The following KSR2 variants were observed in gnomAD, a reference collection of about 807,000 sequenced individuals.
KSR2 encodes the protein kinase suppressor of ras 2.
In KSR2, 25 loss-of-function variants were observed where a neutral mutation model predicts 107.8. The observed-to-expected ratio is 0.23, with a 90% CI of 0.17 to 0.32. KSR2 has a LOEUF of 0.32. KSR2 is among the 10% of genes least tolerant of loss of function. KSR2 has a pLI of 1.00. For missense variants in KSR2, 887 were observed against 1,268.9 expected, an observed-to-expected ratio of 0.70 and a Z score of 4.57; for synonymous variants, 480 against 507.0, an observed-to-expected ratio of 0.95 and a Z score of 0.71.
chr12:117,794,584 TCAACATGCACACTCACAC>T (rs1487458976), intron 3 of KSR2, among the ~76,000 whole-genome samples: 1 of 96,496 alleles, frequency 1.0e-5, no homozygotes, highest in African/African-American at 4.3e-5. Flanking sequence ...CACACATACA[TCAACATGCACACTCACAC>T]CAACATGCAC....
intron 1 of KSR2, among the ~76,000 whole-genome samples, chr12:117,932,775 G>A (rs1895731030): frequency 1.3e-5 from 2 of 152,060 alleles, no homozygotes; most frequent in South Asian, 2.1e-4. Context: ...CACTTTGGGA[G>A]GCTGAGGCGG....
chr12:117,541,787 C>A (rs1403183256), intron 9 of KSR2, among the ~76,000 whole-genome samples: 1 of 152,152 alleles, frequency 6.6e-6, no homozygotes. Flanking sequence ...CCAGGTTGTA[C>A]ATTTCACCTT....
intron 4 of KSR2, among the ~76,000 whole-genome samples, chr12:117,748,937 C>G (rs538163392): frequency 4.6e-5 from 7 of 151,854 alleles, no homozygotes; most frequent in Non-Finnish European, 1.5e-5. Context: ...CTGGGGACAA[C>G]TGGGGCTGTC....
chr12:117,967,676 C>T (rs1896839117), intron 1 of KSR2, among the ~76,000 whole-genome samples: 1 of 152,096 alleles, frequency 6.6e-6, no homozygotes, highest in Non-Finnish European at 1.5e-5. Flanking sequence ...GGGTTCTCTG[C>T]AGCTCCTTAA....
Position 117,457,507 on chromosome 12 carries a change from G to A in KSR2, c.*9692C>T, listed in dbSNP as rs1870679860. On this transcript the variant is annotated 3_prime_UTR_variant, in exon 20 of 20. Coordinates refer to ENST00000339824, the MANE Select transcript of KSR2 (RefSeq NM_173598.6). ...GCCTTGTGGAATATGGGACAGCTAT[G>A]GGAGCTCATGGAGAACAGAGACTCC... The A allele has an allele frequency of 6.6e-6, 1 of 152,200 alleles. No homozygotes were observed. The highest frequency in any genetic ancestry group is 1.5e-5 in the Non-Finnish European group (1 of 68,056). 9.4% of individuals were successfully genotyped at this position (152,200 alleles called of 1,614,324 possible).
At chr12:117,584,161 C>A (rs1297180642) in intron 5 of KSR2, among the ~76,000 whole-genome samples, 3 of 152,302 alleles carry the variant, frequency 2.0e-5, no homozygotes, top group African/African-American at 7.2e-5. Flanking sequence ...ATTTATCAAT[C>A]AGAATTATAG....
At chr12:117,490,108 G>A (rs1022987806) in intron 14 of KSR2, among the ~76,000 whole-genome samples, 1 of 152,178 alleles carries the variant, frequency 6.6e-6, no homozygotes, top group Non-Finnish European at 1.5e-5. Flanking sequence ...TGGACACCTA[G>A]AGGACCAGCT....
Position 117,911,174 on chromosome 12 carries a change from T to TCTCACA in KSR2, c.181-50744_181-50743insTGTGAG, listed in dbSNP as rs1555256064. On this transcript the variant is annotated intron_variant, in intron 1 of 19. Coordinates refer to ENST00000339824, the MANE Select transcript of KSR2 (RefSeq NM_173598.6). ...CACATTCTTTCTCTCTCTCTCTCTC[T>TCTCACA]CACACACACACACACACACACACAC... Among the ~76,000 whole-genome samples, 63 of 149,044 alleles carry TCTCACA rather than the reference T, an allele frequency of 4.2e-4. 1 individual carries two copies. The highest frequency in any genetic ancestry group is 1.2e-3 in the African/African-American group (49 of 40,478).
At chr12:117,946,409 A>T (rs1896179187) in intron 1 of KSR2, among the ~76,000 whole-genome samples, 1 of 152,194 alleles carries the variant, frequency 6.6e-6, no homozygotes, top group South Asian at 2.1e-4. Context: ...GTATCACCAT[A>T]GACCCCGTGA....
chr12:117,523,177 T>C (rs547916086), intron 14 of KSR2, among the ~76,000 whole-genome samples: 1 of 152,336 alleles, frequency 6.6e-6, no homozygotes, highest in East Asian at 1.9e-4. Flanking sequence ...ATGTACCTTC[T>C]ACCAATCACC....
intron 1 of KSR2, among the ~76,000 whole-genome samples, chr12:117,881,505 C>T (rs746158635): frequency 1.2e-4 from 18 of 152,182 alleles, no homozygotes; most frequent in Non-Finnish European, 2.4e-4. Flanking sequence ...TGCTATAAGC[C>T]CCGCTGTGTC....
At chr12:117,847,407 A>G (rs1282542333) in intron 3 of KSR2, among the ~76,000 whole-genome samples, 1 of 152,104 alleles carries the variant, frequency 6.6e-6, no homozygotes, top group Non-Finnish European at 1.5e-5. Context: ...CCCCCTTGAT[A>G]CTCAAGAGAA....
At position 117,812,842 on chromosome 12, in the gene KSR2, C is replaced by CAAAAAAAAAAAAAAAAAAAAAAA. The variant is rs3073170; in HGVS notation, c.472+42585_472+42586insTTTTTTTTTTTTTTTTTTTTTTT. 9.4e-5 allele frequency among the ~76,000 whole-genome samples: 9 copies of CAAAAAAAAAAAAAAAAAAAAAAA among 95,546 alleles called. 1 individual carries two copies. Among genetic ancestry groups the CAAAAAAAAAAAAAAAAAAAAAAA allele is most frequent in the African/African-American group, 3.5e-4 (6 of 17,086 alleles). The allele number at this position is 95,546 out of a possible 152,430, so 62.7% of individuals were successfully genotyped here. A position where few individuals can be genotyped will look rare whatever the true frequency, so the allele number is the denominator to read the frequency against. ...GGAACCACAAAAGACCCCAAATAGC[C>CAAAAAAAAAAAAAAAAAAAAAAA]AAAAAAAAAAAAAAAAATCATCCTG... On this transcript the variant is annotated intron_variant, in intron 3 of 19. Coordinates refer to ENST00000339824, the MANE Select transcript of KSR2 (RefSeq NM_173598.6).
chr12:117,589,566 T>C (rs568345711), intron 5 of KSR2, among the ~76,000 whole-genome samples: 13 of 152,248 alleles, frequency 8.5e-5, no homozygotes, highest in African/African-American at 2.6e-4. Context: ...AGCAAATTCA[T>C]TGGGCCTAAA....
At chr12:117,852,320 C>T (rs913723555) in intron 3 of KSR2, among the ~76,000 whole-genome samples, 11 of 151,748 alleles carry the variant, frequency 7.2e-5, no homozygotes, top group African/African-American at 2.2e-4. Flanking sequence ...CCCAGTTACT[C>T]GGGAGGCTAA....
intron 5 of KSR2, among the ~76,000 whole-genome samples, chr12:117,626,785 G>C (rs961408939): frequency 1.3e-5 from 2 of 152,108 alleles, no homozygotes; most frequent in Non-Finnish European, 2.9e-5. Flanking sequence ...TCATTGATCT[G>C]CCTAATATTG....
chr12:117,741,598 TG>T (rs796954420), intron 4 of KSR2, among the ~76,000 whole-genome samples: 9 of 152,218 alleles, frequency 5.9e-5, no homozygotes, highest in African/African-American at 2.2e-4. Context: ...AGTCCAGAAG[TG>T]GGGATTACAG....
chr12:117,534,559 C>CT (rs1247386013), intron 10 of KSR2, among the ~76,000 whole-genome samples: 1 of 152,040 alleles, frequency 6.6e-6, no homozygotes, highest in Non-Finnish European at 1.5e-5. Context: ...TGGTTAATAC[C>CT]TTTTTTTCTC....
At chr12:117,759,137 G>C (rs1346458055) in intron 4 of KSR2, among the ~76,000 whole-genome samples, 1 of 152,178 alleles carries the variant, frequency 6.6e-6, no homozygotes, top group Non-Finnish European at 1.5e-5. Flanking sequence ...TATGACTGTT[G>C]TAAAATCACA....
Sources: allele counts gnomAD v4.1 joint callset (sites outside exome capture counted in the v4.1 genomes callset), GRCh38; gene constraint gnomAD v4.1.1; transcripts MANE v1.5; gene names NCBI Gene and HGNC (gene_info 2026-07-23, HGNC 2026-07-21).